Variants in FER observed in about 807,000 individuals in gnomAD.
FER encodes the protein FER tyrosine kinase.
FER carries 63 observed loss-of-function variants against 111.0 expected under a neutral mutation model. The observed-to-expected ratio is 0.57, with a 90% CI of 0.46 to 0.70. FER has a LOEUF of 0.70. Ranked by LOEUF, FER falls within the 30% of genes least tolerant of loss-of-function variation. The pLI is 0.00. For synonymous variants in FER, 327 were observed against 313.9 expected (o/e 1.04, Z -0.44); for missense variants, 914 against 954.0 (o/e 0.96, Z 0.55).
intron 16 of FER, among the ~76,000 whole-genome samples, chr5:109,081,952 C>G (rs1365323043): frequency 6.6e-6 from 1 of 152,008 alleles, no homozygotes; most frequent in Non-Finnish European, 1.5e-5. Flanking sequence ...CCTACCCCTT[C>G]AGAATCCATT....
At chr5:108,787,417 A>G (rs935623202) in intron 2 of FER, among the ~76,000 whole-genome samples, 2 of 152,210 alleles carry the variant, frequency 1.3e-5, no homozygotes, top group South Asian at 2.1e-4. Context: ...AAAGGCAGAC[A>G]GGTTCCTAGG....
chr5:109,001,365 A>G (rs899600318), intron 13 of FER, among the ~76,000 whole-genome samples: 16 of 152,238 alleles, frequency 1.1e-4, no homozygotes, highest in African/African-American at 3.9e-4. Context: ...GCGTATAAAC[A>G]GAACCAAAGA....
intron 10 of FER, among the ~76,000 whole-genome samples, chr5:108,936,405 A>G (rs894310895): frequency 1.3e-5 from 2 of 152,002 alleles, no homozygotes; most frequent in African/African-American, 4.8e-5. Context: ...CTTCATGGTT[A>G]TAAGTCTGAT....
At chr5:109,184,902 T>G (rs1383307790) in intron 18 of FER, among the ~76,000 whole-genome samples, 6 of 152,244 alleles carry the variant, frequency 3.9e-5, no homozygotes, top group Non-Finnish European at 8.8e-5. Context: ...CATGACAGTT[T>G]TGGAGGAGGA....
At chr5:108,771,061 G>A (rs1368820993) in intron 2 of FER, among the ~76,000 whole-genome samples, 1 of 151,654 alleles carries the variant, frequency 6.6e-6, no homozygotes, top group Non-Finnish European at 1.5e-5. Context: ...TCATCCTCCC[G>A]AGTAGCTGGG....
intron 17 of FER, among the ~76,000 whole-genome samples, chr5:109,101,136 T>TTCCC (rs1336548396): frequency 2.1e-4 from 32 of 152,128 alleles, no homozygotes; most frequent in South Asian, 8.3e-4. Context: ...TGGTTTTAGT[T>TTCCC]GCTTGTAGCG....
At chr5:109,045,956 T>G (rs1771910359) in intron 15 of FER, among the ~76,000 whole-genome samples, 1 of 152,238 alleles carries the variant, frequency 6.6e-6, no homozygotes, top group African/African-American at 2.4e-5. Context: ...AACGGGAGTT[T>G]CAGTGATTAA....
chr5:109,128,813 A>G (rs1044967438), intron 17 of FER, among the ~76,000 whole-genome samples: 1 of 152,048 alleles, frequency 6.6e-6, no homozygotes, highest in Admixed American at 6.5e-5. Flanking sequence ...TTGTTGGAAA[A>G]CTTCACAAAA....
At chr5:109,087,047 G>T (rs1581968676) in intron 16 of FER, among the ~76,000 whole-genome samples, 1 of 148,954 alleles carries the variant, frequency 6.7e-6, no homozygotes, top group Non-Finnish European at 1.5e-5. Flanking sequence ...TCTCTTTAAA[G>T]AACCTATTTC....
Position 108,901,010 on chromosome 5 carries a change from A to T in FER, c.1236+3162A>T, listed in dbSNP as rs138909680. On this transcript the variant is annotated intron_variant, in intron 10 of 19. Coordinates refer to ENST00000281092, the MANE Select transcript of FER (RefSeq NM_005246.4). ...GAGGTGATTAGGTCAGGAGGGCTTC[A>T]TCCTTATGGATGTAATTAATGTCTT... Among the ~76,000 whole-genome samples, 1,114 of 152,294 alleles carry T rather than the reference A, an allele frequency of 7.3e-3. 4 individuals are homozygous for T. Among genetic ancestry groups the T allele is most frequent in the Middle Eastern group, 0.014 (4 of 294 alleles).
At position 108,769,753 on chromosome 5, in the gene FER, GA is replaced by G. The variant is rs1752692753; in HGVS notation, c.-60+1517del. On this transcript the variant is annotated intron_variant, in intron 2 of 19. Transcript: ENST00000281092. ...ATTTTGGTTTTTGAGCAGCTGATTAGAAGCTGGTATCATGTACAGAAACCTT... is the reference window on the plus strand; with the variant it reads ...ATTTTGGTTTTTGAGCAGCTGATTAGAGCTGGTATCATGTACAGAAACCTT... 2.0e-5 allele frequency among the ~76,000 whole-genome samples: 3 copies of G among 152,278 alleles called. No individual in the cohort carries two copies. The South Asian group carries it at 6.2e-4, about 32-fold the overall frequency.
At chr5:109,128,320 GTAA>G (rs1001229116) in intron 17 of FER, among the ~76,000 whole-genome samples, 4 of 151,872 alleles carry the variant, frequency 2.6e-5, no homozygotes, top group African/African-American at 9.7e-5. Flanking sequence ...ATTTGTAAGT[GTAA>G]TAATGAGTTT....
intron 3 of FER, among the ~76,000 whole-genome samples, chr5:108,806,227 A>C (rs1757192819): frequency 6.6e-6 from 1 of 152,342 alleles, no homozygotes; most frequent in South Asian, 2.1e-4. Flanking sequence ...GCCAGTGCAC[A>C]GAAGTCAAGG....
intron 3 of FER, among the ~76,000 whole-genome samples, chr5:108,815,771 C>T (rs1758209097): frequency 6.6e-6 from 1 of 151,940 alleles, no homozygotes; most frequent in South Asian, 2.1e-4. Context: ...ATGAAAAATG[C>T]TTTTTGATGA....
intron 10 of FER, among the ~76,000 whole-genome samples, chr5:108,919,198 C>T (rs1752678221): frequency 6.6e-6 from 1 of 150,564 alleles, no homozygotes; most frequent in Admixed American, 6.6e-5. Context: ...TCATTGATAT[C>T]TTACTATTTC....
chr5:108,923,756 G>A (rs1753351584), intron 10 of FER, among the ~76,000 whole-genome samples: 1 of 152,084 alleles, frequency 6.6e-6, no homozygotes, highest in South Asian at 2.1e-4. Context: ...GTAGGTTTTT[G>A]TGGCAAGGAA....
At chr5:108,968,045 T>G (rs1760130361) in intron 13 of FER, among the ~76,000 whole-genome samples, 1 of 152,070 alleles carries the variant, frequency 6.6e-6, no homozygotes, top group Non-Finnish European at 1.5e-5. Context: ...AGAGAAGATA[T>G]AATCAGAGAA....
chr5:108,883,679 A>T (rs1370895246), intron 9 of FER, among the ~76,000 whole-genome samples, 161 bp downstream of exon 9: 1 of 151,986 alleles, frequency 6.6e-6, no homozygotes, highest in Non-Finnish European at 1.5e-5. Flanking sequence ...TGGAAAAATG[A>T]TTCTGTGGTT....
intron 10 of FER, among the ~76,000 whole-genome samples, chr5:108,927,876 C>G (rs1754002280): frequency 6.6e-6 from 1 of 152,150 alleles, no homozygotes; most frequent in African/African-American, 2.4e-5. Flanking sequence ...AGTCAAGAGA[C>G]TTTTTCTAAG....
Sources: gnomAD v4.1 joint callset for allele counts (sites outside exome capture counted in the v4.1 genomes callset) on GRCh38, gnomAD v4.1.1 for gene constraint, MANE v1.5 for transcripts, NCBI Gene and HGNC (gene_info 2026-07-23, HGNC 2026-07-21) for gene names.